Variants in PRKN observed in about 807,000 individuals in gnomAD.
The protein encoded by PRKN is E3 ubiquitin-protein ligase parkin.
In PRKN, 56 loss-of-function variants were observed where a neutral mutation model predicts 59.5. The observed-to-expected ratio is 0.94, with a 90% confidence interval of 0.76 to 1.18. The LOEUF is 1.18. PRKN is among the 50% of genes most tolerant of loss of function. The pLI is 0.00. For missense variants in PRKN, 657 were observed against 596.4 expected, an observed-to-expected ratio of 1.10 and a Z score of -1.06; for synonymous variants, 250 against 222.1, an observed-to-expected ratio of 1.13 and a Z score of -1.12.
intron 1 of PRKN, 114 bp downstream of exon 1, chr6:162,727,548 G>C: frequency 8.4e-7 from 1 of 1,186,050 alleles, no homozygotes. Context: ...CGGGCACTTT[G>C]GCCCCGTCAT....
In PRKN at chr6:162,320,583, A is replaced by C. The variant is rs539281721; in HGVS notation, c.172-57818T>G. Among the ~76,000 whole-genome samples the C allele has an allele frequency of 7.9e-5, 12 of 151,834 alleles. No homozygotes were observed. The South Asian group carries it at 2.5e-3, about 31-fold the overall frequency. On this transcript the variant is annotated intron_variant, in intron 2 of 11. Transcript: ENST00000366898. The stretch of plus-strand genomic sequence containing the variant: ...TACACACCTATTAGAATTGTTAAAA[A>C]TAAAAAGACTATTTCAAGAATTGGC...
intron 7 of PRKN, among the ~76,000 whole-genome samples, chr6:161,573,719 C>CAAA (rs1207463759): frequency 5.3e-5 from 1 of 18,756 alleles, no homozygotes; most frequent in Non-Finnish European, 9.5e-5. Context: ...GACTCCGTCT[C>CAAA]AAAAAAAAAA....
At chr6:162,440,678 CTCT>C (rs1790009412) in intron 2 of PRKN, among the ~76,000 whole-genome samples, 1 of 152,152 alleles carries the variant, frequency 6.6e-6, no homozygotes. Flanking sequence ...CCCCAGCCAT[CTCT>C]TCTTCTCTTC....
At chr6:161,653,148 G>T (rs1784210387) in intron 7 of PRKN, among the ~76,000 whole-genome samples, 1 of 152,204 alleles carries the variant, frequency 6.6e-6, no homozygotes, top group Non-Finnish European at 1.5e-5. Flanking sequence ...TGGATCACAA[G>T]GTCAAAGATC....
At chr6:162,427,859 T>TA (rs1789316992) in intron 2 of PRKN, among the ~76,000 whole-genome samples, 1 of 152,104 alleles carries the variant, frequency 6.6e-6, no homozygotes, top group Non-Finnish European at 1.5e-5. Context: ...ATGTATTTTT[T>TA]AAAGTATAAA....
Position 161,787,953 on chromosome 6 carries a change from C to A in PRKN, c.735-2045G>T, listed in dbSNP as rs552899464. Among the ~76,000 whole-genome samples, 725 of 152,212 alleles carry A rather than the reference C, an allele frequency of 4.8e-3. 12 individuals are homozygous for A. The highest frequency in any genetic ancestry group is 0.016 in the African/African-American group (675 of 41,540). ...AGGCTCTGCCTCAAAAACAAACAAA[C>A]AAAAAAGCTTAGAAATGACCCTGTA... On this transcript the variant is annotated intron_variant, in intron 6 of 11. Coordinates refer to ENST00000366898, the MANE Select transcript of PRKN (RefSeq NM_004562.3).
rs2115305288 is a variant in PRKN, at chr6:161,502,326, C to T, written c.1083+46528G>A. On this transcript the variant is annotated intron_variant, in intron 9 of 11. Transcript: ENST00000366898. The surrounding 1 kb of genome is among the most constrained non-coding windows in gnomAD (Gnocchi z 4.0). ...AACCAAGCCAATAACAATATTTTCTCTAAGCTCATGAACAATGTTTGGCTG... is the reference window on the plus strand; with the variant it reads ...AACCAAGCCAATAACAATATTTTCTTTAAGCTCATGAACAATGTTTGGCTG... 6.6e-6 allele frequency among the ~76,000 whole-genome samples: 1 copy of T among 152,260 alleles called. No individual in the cohort carries two copies. The highest frequency in any genetic ancestry group is 1.9e-4 in the East Asian group (1 of 5,170).
chr6:162,254,318 A>G lies in PRKN; in HGVS notation c.412+8207T>C, dbSNP rs556723710. 2.0e-5 allele frequency among the ~76,000 whole-genome samples: 3 copies of G among 152,066 alleles called. No individual in the cohort carries two copies. In the South Asian group the frequency reaches 6.3e-4, roughly 32 times the overall value. On this transcript the variant is annotated intron_variant, in intron 3 of 11. Coordinates refer to ENST00000366898, the MANE Select transcript of PRKN (RefSeq NM_004562.3). Reference sequence around the variant, plus strand: ...TTAAAAATACAAAAATTAGCTGGGCATGGTGGTGGGTGCCTGTAATCCCAG... The same window carrying G: ...TTAAAAATACAAAAATTAGCTGGGCGTGGTGGTGGGTGCCTGTAATCCCAG...
intron 5 of PRKN, among the ~76,000 whole-genome samples, chr6:161,994,825 TG>T (rs1781780280): frequency 6.6e-6 from 1 of 151,412 alleles, no homozygotes; most frequent in Non-Finnish European, 1.5e-5. Flanking sequence ...CACAAACCAA[TG>T]GAAAGACATG....
intron 1 of PRKN, among the ~76,000 whole-genome samples, chr6:162,647,340 G>A (rs1193071292): frequency 2.0e-5 from 3 of 151,972 alleles, no homozygotes; most frequent in Non-Finnish European, 4.4e-5. Flanking sequence ...CAAACAATCT[G>A]TTTTTGGAGA....
chr6:161,424,769 G>T (rs1788256572), intron 9 of PRKN, among the ~76,000 whole-genome samples: 1 of 152,146 alleles, frequency 6.6e-6, no homozygotes, highest in South Asian at 2.1e-4. Context: ...AGCAATCAAA[G>T]TATCAAAGGA....
At chr6:162,125,563 A>G (rs527816198) in intron 4 of PRKN, among the ~76,000 whole-genome samples, 1 of 152,312 alleles carries the variant, frequency 6.6e-6, no homozygotes, top group African/African-American at 2.4e-5. Flanking sequence ...CCCTGTGGAA[A>G]TCTAGGGAAA....
rs1554275154 is a variant in PRKN, at chr6:161,550,738, C to CTGTGT, written c.934-1736_934-1735insACACA. On this transcript the variant is annotated intron_variant, in intron 8 of 11. Transcript: ENST00000366898. This position sits in a 1 kb window ranked among gnomAD's most constrained non-coding sequence, Gnocchi z 4.0. ...AAGAAAGGGTATGTGTGTGTGTGCA[C>CTGTGT]GTGTGTGTGTGTGTGTGTGTGTGTA... 2.5e-4 allele frequency among the ~76,000 whole-genome samples: 36 copies of CTGTGT among 146,308 alleles called. No homozygotes were observed. Among genetic ancestry groups the CTGTGT allele is most frequent in the African/African-American group, 5.4e-4 (21 of 38,750 alleles).
intron 1 of PRKN, among the ~76,000 whole-genome samples, chr6:162,602,750 C>G (rs1282899563): frequency 6.6e-6 from 1 of 152,158 alleles, no homozygotes; most frequent in African/African-American, 2.4e-5. Flanking sequence ...TGTATTTAAT[C>G]ATAAGAAAAT....
rs11286624 is a variant in PRKN at position 161,619,325 on chromosome 6, CTTT to C, written c.872-49912_872-49910del. 1.3e-3 allele frequency among the ~76,000 whole-genome samples: 165 copies of C among 127,956 alleles called. 1 individual carries two copies. The highest frequency in any genetic ancestry group is 4.1e-3 in the Middle Eastern group (1 of 242). 83.9% of individuals were successfully genotyped at this position (127,956 alleles called of 152,430 possible). On this transcript the variant is annotated intron_variant, in intron 7 of 11. Coordinates refer to ENST00000366898, the MANE Select transcript of PRKN (RefSeq NM_004562.3). ...ATAGGGAAAGTCATTTGCTAAGCTG[CTTT>C]TTTTTTTTTTTTCTTCTCCTTACTT...
chr6:161,661,952 G>A (rs187110504), intron 7 of PRKN, among the ~76,000 whole-genome samples: 42 of 152,250 alleles, frequency 2.8e-4, no homozygotes, highest in African/African-American at 9.6e-4. Context: ...GAACTCAGGA[G>A]GCAGAGGTTG....
intron 6 of PRKN, among the ~76,000 whole-genome samples, chr6:161,911,474 A>G (rs1746917763): frequency 6.6e-6 from 1 of 152,204 alleles, no homozygotes; most frequent in Admixed American, 6.5e-5. Context: ...CATTTCTATC[A>G]GAACTCCTGC....
chr6:162,356,895 T>C (rs1271372143), intron 2 of PRKN, among the ~76,000 whole-genome samples: 1 of 151,794 alleles, frequency 6.6e-6, no homozygotes, highest in Non-Finnish European at 1.5e-5. Flanking sequence ...TTTCAAAAAA[T>C]GATGCTGGAA....
At chr6:161,607,461 A>G (rs965503063) in intron 7 of PRKN, among the ~76,000 whole-genome samples, 1 of 152,172 alleles carries the variant, frequency 6.6e-6, no homozygotes, top group Non-Finnish European at 1.5e-5. Context: ...ACTACAATCA[A>G]TTTCTTTGAA....
Sources: allele counts gnomAD v4.1 joint callset (sites outside exome capture counted in the v4.1 genomes callset), GRCh38; gene constraint gnomAD v4.1.1; non-coding constraint Gnocchi (gnomAD v3.1); transcripts MANE v1.5; gene names NCBI Gene and HGNC (gene_info 2026-07-23, HGNC 2026-07-21).